Variants in GPC6 observed in about 807,000 individuals in gnomAD.
The protein encoded by GPC6 is glypican-6.
In GPC6, 14 loss-of-function variants were observed where a neutral mutation model predicts 55.2. The observed-to-expected ratio is 0.25, with a 90% CI of 0.17 to 0.40. GPC6 has a LOEUF of 0.40. GPC6 is among the 10% of genes least tolerant of loss of function. GPC6 has a pLI of 1.00. For synonymous variants in GPC6, 278 were observed against 259.6 expected, an observed-to-expected ratio of 1.07 and a Z score of -0.68; for missense variants, 641 against 708.5, an observed-to-expected ratio of 0.90 and a Z score of 1.08.
intron 1 of GPC6, among the ~76,000 whole-genome samples, chr13:93,303,912 A>T (rs1878767761): frequency 7.4e-6 from 1 of 134,890 alleles, no homozygotes; most frequent in African/African-American, 2.9e-5. Context: ...TCTATTGCCC[A>T]GGCTGGAGTG....
At chr13:93,285,118 G>A (rs967914367) in intron 1 of GPC6, among the ~76,000 whole-genome samples, 2 of 152,154 alleles carry the variant, frequency 1.3e-5, no homozygotes, top group African/African-American at 2.4e-5. Context: ...GGGACAGGGA[G>A]AGGTTTAAGT....
chr13:93,897,715 ACTAGT>A (rs954122478), intron 3 of GPC6, among the ~76,000 whole-genome samples: 8 of 152,104 alleles, frequency 5.3e-5, no homozygotes, highest in Admixed American at 3.3e-4. Context: ...GCTATGAGAC[ACTAGT>A]CTTCTGTCCC....
chr13:94,262,983 G>A (rs1156486266), intron 4 of GPC6, among the ~76,000 whole-genome samples: 1 of 152,114 alleles, frequency 6.6e-6, no homozygotes, highest in Non-Finnish European at 1.5e-5. Context: ...TAACTATATG[G>A]CCATTGACAG....
At chr13:93,727,433 A>G (rs956574770) in intron 2 of GPC6, among the ~76,000 whole-genome samples, 2 of 152,018 alleles carry the variant, frequency 1.3e-5, no homozygotes, top group African/African-American at 4.8e-5. Context: ...GGCCCACATC[A>G]TCTCTTTCCT....
At chr13:94,036,187 T>C (rs1361389408) in intron 4 of GPC6, among the ~76,000 whole-genome samples, 2 of 152,026 alleles carry the variant, frequency 1.3e-5, no homozygotes, top group African/African-American at 2.4e-5. Flanking sequence ...GTTGTAACTC[T>C]TTAAAAATAT....
chr13:93,881,128 G>A (rs1239360745), intron 3 of GPC6, among the ~76,000 whole-genome samples: 1 of 152,072 alleles, frequency 6.6e-6, no homozygotes, highest in Non-Finnish European at 1.5e-5. Flanking sequence ...ATGCAATTTC[G>A]TTTCTTACCT....
intron 1 of GPC6, among the ~76,000 whole-genome samples, chr13:93,444,195 C>CTT (rs10659977): frequency 0.055 from 6,038 of 110,728 alleles, 256 homozygotes; most frequent in East Asian, 0.24. Context: ...TGCAATTCTT[C>CTT]TTTTTTTTTT....
At chr13:93,282,000 G>C (rs909127612) in intron 1 of GPC6, among the ~76,000 whole-genome samples, 2 of 152,250 alleles carry the variant, frequency 1.3e-5, no homozygotes, top group African/African-American at 2.4e-5. Flanking sequence ...GACCAATTTA[G>C]CCTCTCATTT....
chr13:93,573,533 A>G (rs1436902776), intron 2 of GPC6, among the ~76,000 whole-genome samples: 3 of 152,082 alleles, frequency 2.0e-5, no homozygotes, highest in African/African-American at 4.8e-5. Context: ...TATAGAAGAG[A>G]TTTTCAAAAC....
chr13:94,262,879 C>A (rs970116483), intron 4 of GPC6, among the ~76,000 whole-genome samples: 6 of 151,930 alleles, frequency 3.9e-5, no homozygotes, highest in Admixed American at 3.3e-4. Context: ...AAACAGAGAG[C>A]AAAAGACAAA....
rs118163919 is a variant in GPC6 at position 93,335,057 on chromosome 13, C to T, written c.160+107441C>T. 5.6e-3 allele frequency among the ~76,000 whole-genome samples: 846 copies of T among 152,298 alleles called. 6 individuals are homozygous for T. Among genetic ancestry groups the T allele is most frequent in the Admixed American group, 9.5e-3 (146 of 15,296 alleles). The stretch of plus-strand genomic sequence containing the variant: ...CTCCACAGGGCAATGTTTCTTCCAA[C>T]TGTTGATGCATCTTGAAAATCATTC... On this transcript the variant is annotated intron_variant, in intron 1 of 8. Coordinates refer to ENST00000377047, the MANE Select transcript of GPC6 (RefSeq NM_005708.5).
intron 1 of GPC6, among the ~76,000 whole-genome samples, chr13:93,315,773 A>G (rs1035622999): frequency 6.6e-6 from 1 of 151,178 alleles, no homozygotes; most frequent in African/African-American, 2.4e-5. Context: ...TTTTTTAACC[A>G]TGTATGTAGT....
At chr13:93,379,790 T>C (rs1054038864) in intron 1 of GPC6, among the ~76,000 whole-genome samples, 14 of 152,154 alleles carry the variant, frequency 9.2e-5, no homozygotes, top group African/African-American at 3.4e-4. Context: ...TATATGTAAC[T>C]TTTATTAATC....
At chr13:93,953,579 T>C (rs769478234) in intron 3 of GPC6, among the ~76,000 whole-genome samples, 1 of 152,350 alleles carries the variant, frequency 6.6e-6, no homozygotes, top group Admixed American at 6.5e-5. Flanking sequence ...TTCCAACATT[T>C]GAAATCAAAC....
chr13:93,944,965 C>G (rs1241879162), intron 3 of GPC6, among the ~76,000 whole-genome samples: 1 of 152,050 alleles, frequency 6.6e-6, no homozygotes, highest in East Asian at 1.9e-4. Flanking sequence ...ATTTGCATCC[C>G]AGACTCAGGC....
intron 6 of GPC6, among the ~76,000 whole-genome samples, chr13:94,360,467 T>C (rs1879008866): frequency 6.6e-6 from 1 of 152,180 alleles, no homozygotes; most frequent in African/African-American, 2.4e-5. Context: ...TGATTTAAAA[T>C]GTTATCTTGA....
chr13:94,175,822 T>C (rs1888729762), intron 4 of GPC6, among the ~76,000 whole-genome samples: 1 of 148,452 alleles, frequency 6.7e-6, no homozygotes, highest in South Asian at 2.1e-4. Context: ...ATCTTTTATA[T>C]AAATATATAC....
chr13:93,969,205 A>G (rs919646738), intron 3 of GPC6, among the ~76,000 whole-genome samples: 3 of 152,216 alleles, frequency 2.0e-5, no homozygotes, highest in African/African-American at 7.2e-5. Context: ...ATTGATATCA[A>G]CTGTGGTTTG....
At chr13:93,638,417 T>C (rs2139581825) in intron 2 of GPC6, among the ~76,000 whole-genome samples, 1 of 152,214 alleles carries the variant, frequency 6.6e-6, no homozygotes, top group East Asian at 1.9e-4. Flanking sequence ...AGCAAAAATT[T>C]ATCAATATGA....
Sources: allele counts gnomAD v4.1 joint callset (sites outside exome capture counted in the v4.1 genomes callset), GRCh38; gene constraint gnomAD v4.1.1; transcripts MANE v1.5; gene names NCBI Gene and HGNC (gene_info 2026-07-23, HGNC 2026-07-21).